The following ASIC2 variants were observed in gnomAD, a reference collection of about 807,000 sequenced individuals.
ASIC2 encodes the protein acid sensing ion channel subunit 2.
A neutral mutation model predicts 57.3 loss-of-function variants in ASIC2; 25 were observed. That is an observed-to-expected ratio of 0.44 (90% confidence interval 0.32 to 0.61). The LOEUF (loss-of-function observed/expected upper bound fraction) is 0.61. ASIC2 is among the 20% of genes least tolerant of loss of function. The pLI, the probability that ASIC2 is intolerant of heterozygous loss-of-function variation, is 0.06. For missense variants in ASIC2, 641 were observed against 738.1 expected (o/e 0.87, Z 1.52); for synonymous variants, 319 against 307.5 (o/e 1.04, Z -0.39).
chr17:34,102,777 T>C (rs1598027701), intron 1 of ASIC2, among the ~76,000 whole-genome samples: 1 of 152,380 alleles, frequency 6.6e-6, no homozygotes, highest in Non-Finnish European at 1.5e-5. Context: ...AAAGTTGCTA[T>C]AAACATTTTC....
At chr17:33,083,660 G>A (rs2092122714) in intron 3 of ASIC2, among the ~76,000 whole-genome samples, 1 of 152,186 alleles carries the variant, frequency 6.6e-6, no homozygotes, top group African/African-American at 2.4e-5. Context: ...AACAGAGGGA[G>A]CAGATGCACA....
At chr17:33,833,244 C>A (rs1913168627) in intron 1 of ASIC2, among the ~76,000 whole-genome samples, 1 of 151,986 alleles carries the variant, frequency 6.6e-6, no homozygotes, top group Non-Finnish European at 1.5e-5. Context: ...ATCCCAAGGG[C>A]CAATGTTATG....
intron 1 of ASIC2, among the ~76,000 whole-genome samples, chr17:33,661,245 A>G (rs1401461972): frequency 6.6e-6 from 1 of 152,148 alleles, no homozygotes; most frequent in Non-Finnish European, 1.5e-5. Flanking sequence ...CTCGCAAGCT[A>G]CCACCCTGAT....
chr17:33,952,615 G>A (rs867074510), intron 1 of ASIC2, among the ~76,000 whole-genome samples: 28 of 152,220 alleles, frequency 1.8e-4, no homozygotes, highest in Middle Eastern at 6.8e-3. Context: ...AGCCTCATTT[G>A]CACTTTTAGT....
chr17:33,352,829 C>T (rs890029241), intron 1 of ASIC2, among the ~76,000 whole-genome samples: 1 of 151,880 alleles, frequency 6.6e-6, no homozygotes, highest in South Asian at 2.1e-4. Context: ...GTTAGAGTTT[C>T]TCTCCCTCTT....
chr17:33,411,910 T>C (rs1469303230), intron 1 of ASIC2, among the ~76,000 whole-genome samples: 1 of 152,178 alleles, frequency 6.6e-6, no homozygotes, highest in Non-Finnish European at 1.5e-5. Context: ...TAGGGTGTCA[T>C]AAATAAAAGA....
At chr17:33,617,725 A>T (rs914003977) in intron 1 of ASIC2, among the ~76,000 whole-genome samples, 3 of 152,234 alleles carry the variant, frequency 2.0e-5, no homozygotes, top group Admixed American at 6.5e-5. Context: ...CATAATTTTT[A>T]AAAAACACAA....
intron 1 of ASIC2, among the ~76,000 whole-genome samples, chr17:33,338,571 G>A (rs1907612296): frequency 6.6e-6 from 1 of 152,150 alleles, no homozygotes; most frequent in East Asian, 1.9e-4. Context: ...GATCAGAGGT[G>A]GAATGGCTAC....
At chr17:33,964,449 C>T (rs111914809) in intron 1 of ASIC2, among the ~76,000 whole-genome samples, 328 of 152,362 alleles carry the variant, frequency 2.2e-3, no homozygotes, top group African/African-American at 7.3e-3. Flanking sequence ...AAAGGACTCC[C>T]AGTCCCTCAG....
At chr17:34,107,413 G>T (rs1911101056) in intron 1 of ASIC2, among the ~76,000 whole-genome samples, 1 of 152,112 alleles carries the variant, frequency 6.6e-6, no homozygotes, top group Non-Finnish European at 1.5e-5. Flanking sequence ...GGTTGCTGAG[G>T]GAAGAAGATC....
At chr17:34,020,841 A>G (rs138434611) in intron 1 of ASIC2, among the ~76,000 whole-genome samples, 287 of 152,338 alleles carry the variant, frequency 1.9e-3, no homozygotes, top group African/African-American at 6.6e-3. Flanking sequence ...GAGCTCATCC[A>G]GACTTCTGAC....
intron 1 of ASIC2, among the ~76,000 whole-genome samples, chr17:33,270,129 T>C (rs950946327): frequency 6.6e-6 from 1 of 152,260 alleles, no homozygotes; most frequent in Non-Finnish European, 1.5e-5. Flanking sequence ...AACTAATTCA[T>C]TGCAAAGTCA....
rs556205309 is a variant in ASIC2 at position 33,937,136 on chromosome 17, C to G, written c.555+218842G>C. On this transcript the variant is annotated intron_variant, in intron 1 of 9. Coordinates refer to the ASIC2 transcript ENST00000359872. ...CTCTTTTTGGAGATGAAGTCTCACT[C>G]TGTCACCCAGGCTGGAGTGTAGTGG... Among the ~76,000 whole-genome samples the G allele has an allele frequency of 2.8e-4, 42 of 152,346 alleles. No individual in the cohort carries two copies. The East Asian group carries it at 4.6e-3, about 17-fold the overall frequency.
chr17:33,125,937 T>A (rs1213822020), intron 1 of ASIC2, among the ~76,000 whole-genome samples: 1 of 152,206 alleles, frequency 6.6e-6, no homozygotes, highest in Non-Finnish European at 1.5e-5. Flanking sequence ...GCATGAAATT[T>A]AAGGAAGCAA....
chr17:33,562,411 T>G (rs1432255533), intron 1 of ASIC2, among the ~76,000 whole-genome samples: 1 of 152,238 alleles, frequency 6.6e-6, no homozygotes, highest in Non-Finnish European at 1.5e-5. Context: ...ATTTCTTATG[T>G]GCTTTCAAAT....
chr17:33,777,172 A>G lies in ASIC2; in HGVS notation c.555+378806T>C, dbSNP rs1911308608. On this transcript the variant is annotated intron_variant, in intron 1 of 9. Transcript: ENST00000359872. Reference sequence around the variant, plus strand: ...CATCTTCACCACCTATTCATTTTCTATCCTGTAATTCCTGAATTCCCTGAG... The same window carrying G: ...CATCTTCACCACCTATTCATTTTCTGTCCTGTAATTCCTGAATTCCCTGAG... Among the ~76,000 whole-genome samples, 3 of 152,158 alleles carry G rather than the reference A, an allele frequency of 2.0e-5. No individual in the cohort carries two copies. The South Asian group carries it at 6.2e-4, about 32-fold the overall frequency.
chr17:34,038,608 T>C, intron 1 of ASIC2: 2 of 1,601,012 alleles, frequency 1.2e-6, no homozygotes, highest in Non-Finnish European at 1.7e-6. Flanking sequence ...CTTCATTATG[T>C]ATCCTTTTTA....
intron 1 of ASIC2, among the ~76,000 whole-genome samples, chr17:33,656,636 TA>T (rs1462716544): frequency 1.3e-5 from 2 of 152,206 alleles, no homozygotes; most frequent in African/African-American, 4.8e-5. Context: ...AGTCTCATTT[TA>T]GAGGTCTTTT....
chr17:33,101,612 A>G (rs764382139), intron 2 of ASIC2, among the ~76,000 whole-genome samples: 1 of 152,180 alleles, frequency 6.6e-6, no homozygotes, highest in South Asian at 2.1e-4. Context: ...CTACAATCAT[A>G]TTATATTATC....
Sources: allele counts gnomAD v4.1 joint callset (sites outside exome capture counted in the v4.1 genomes callset), GRCh38; gene constraint gnomAD v4.1.1; transcripts MANE v1.5; gene names NCBI Gene and HGNC (gene_info 2026-07-23, HGNC 2026-07-21).